Variants in TNNI3K observed in about 807,000 individuals in gnomAD.
TNNI3K encodes the protein TNNI3 interacting kinase, also known as serine/threonine-protein kinase TNNI3K.
Under a neutral mutation model 114.5 loss-of-function variants are expected in TNNI3K, and 140 were observed. The ratio of observed to expected loss-of-function variants is 1.22; its 90% confidence interval spans 1.07 to 1.41. The LOEUF (loss-of-function observed/expected upper bound fraction) is 1.41, where lower values mean the gene tolerates loss of function less well. Among genes scored for constraint, TNNI3K ranks in the 40% most tolerant of loss-of-function variants. The pLI, the probability that TNNI3K is intolerant of heterozygous loss-of-function variation, is 0.00. For missense variants in TNNI3K, 1,125 were observed against 1,007.6 expected, an observed-to-expected ratio of 1.12 and a Z score of -1.58; for synonymous variants, 347 against 347.5, an observed-to-expected ratio of 1.00 and a Z score of 0.02.
intron 20 of TNNI3K, among the ~76,000 whole-genome samples, chr1:74,444,403 G>A (rs542244585): frequency 1.8e-4 from 28 of 151,860 alleles, no homozygotes; most frequent in African/African-American, 6.5e-4. Context: ...AAGAAGAGAG[G>A]CAAATTGTGA....
At chr1:74,478,491 T>C (rs1043785904) in intron 21 of TNNI3K, among the ~76,000 whole-genome samples, 4 of 152,146 alleles carry the variant, frequency 2.6e-5, no homozygotes, top group Non-Finnish European at 1.5e-5. Context: ...AACTAAAAGA[T>C]ACTAAAAATT....
chr1:74,405,474 A>G (rs1664569831), intron 17 of TNNI3K, among the ~76,000 whole-genome samples: 1 of 152,206 alleles, frequency 6.6e-6, no homozygotes, highest in Non-Finnish European at 1.5e-5. Context: ...ATAAGCAATG[A>G]TCTAAGTGAA....
At chr1:74,497,588 A>T (rs1253092397) in intron 23 of TNNI3K, among the ~76,000 whole-genome samples, 1 of 148,326 alleles carries the variant, frequency 6.7e-6, no homozygotes, top group African/African-American at 2.5e-5. Context: ...ACACATACAC[A>T]TGCACACACA....
chr1:74,271,253 T>A (rs1353763573), intron 4 of TNNI3K, among the ~76,000 whole-genome samples: 3 of 151,852 alleles, frequency 2.0e-5, no homozygotes, highest in Non-Finnish European at 4.4e-5. Context: ...CTGACCTCAC[T>A]GGGAGTTAAT....
intron 5 of TNNI3K, among the ~76,000 whole-genome samples, chr1:74,323,548 A>C (rs1165980864): frequency 1.3e-5 from 2 of 152,192 alleles, no homozygotes. Context: ...CCGAGGGCAA[A>C]GGTGGCTGGG....
At chr1:74,496,982 A>G (rs1669358617) in intron 23 of TNNI3K, among the ~76,000 whole-genome samples, 1 of 152,198 alleles carries the variant, frequency 6.6e-6, no homozygotes. Context: ...CAGAAGAAGA[A>G]AACCAGGGAT....
intron 21 of TNNI3K, chr1:74,475,157 CAG>C: frequency 3.6e-6 from 2 of 551,980 alleles, no homozygotes; most frequent in Non-Finnish European, 6.4e-6. Flanking sequence ...CACACACACA[CAG>C]TATTTTTAGA....
chr1:74,281,934 G>C (rs1405260634), intron 5 of TNNI3K, among the ~76,000 whole-genome samples: 1 of 151,890 alleles, frequency 6.6e-6, no homozygotes, highest in Admixed American at 6.6e-5. Context: ...TAATTGCAGT[G>C]GTTGATATTT....
At chr1:74,470,327 G>C in intron 21 of TNNI3K, 1 of 400,586 alleles carries the variant, frequency 2.5e-6, no homozygotes, top group Non-Finnish European at 4.4e-6. Flanking sequence ...TGTGAGATCT[G>C]AGTTAACATA....
chr1:74,509,835 C>T (rs1270042361), intron 23 of TNNI3K, among the ~76,000 whole-genome samples: 2 of 139,944 alleles, frequency 1.4e-5, no homozygotes, highest in Admixed American at 7.5e-5. Flanking sequence ...TCACTGCAGC[C>T]TCAACTTCCC....
At chr1:74,404,470 G>A (rs45623441) in intron 17 of TNNI3K, among the ~76,000 whole-genome samples, 138 of 152,196 alleles carry the variant, frequency 9.1e-4, no homozygotes, top group African/African-American at 2.9e-3. Flanking sequence ...TAAGTCACCC[G>A]TCTAATTCTC....
In TNNI3K at chr1:74,342,913, A is replaced by G. The variant is rs1400997735; in HGVS notation, c.754A>G (p.Lys252Glu). Residue 252 changes from lysine (K) to glutamate (E), a missense_variant, in exon 8 of 25, where the codon AAG becomes GAG. By Grantham distance (56) the Lys-to-Glu change is moderately conservative (BLOSUM62 1). Coordinates refer to ENST00000326637, the MANE Select transcript of TNNI3K (RefSeq NM_015978.3). ...TCGATTTGGACACCATGATATAGTT[A>G]AGTATCTGCTGCAAAGTGATTTGGA... Reference protein sequence around the residue: ...CSRFGHHDIVKYLLQSDLEVQ... With the variant: ...CSRFGHHDIVEYLLQSDLEVQ... The G allele has an allele frequency of 6.2e-7, 1 of 1,613,790 alleles. No individual in the cohort carries two copies. The highest frequency in any genetic ancestry group is 1.3e-5 in the African/African-American group (1 of 74,896).
intron 23 of TNNI3K, among the ~76,000 whole-genome samples, chr1:74,494,722 A>T (rs916284012): frequency 1.3e-5 from 2 of 152,248 alleles, no homozygotes; most frequent in African/African-American, 4.8e-5. Context: ...TTTGCCATGT[A>T]CTAGCTCAAT....
intron 20 of TNNI3K, among the ~76,000 whole-genome samples, chr1:74,447,450 G>A (rs1301632270): frequency 6.9e-6 from 1 of 144,476 alleles, no homozygotes; most frequent in African/African-American, 2.8e-5. Context: ...GTGGGCGAAG[G>A]ACATGAACAG....
intron 5 of TNNI3K, among the ~76,000 whole-genome samples, chr1:74,279,263 C>T (rs749689258): frequency 3.3e-5 from 5 of 152,202 alleles, no homozygotes; most frequent in Admixed American, 2.6e-4. Context: ...CACAGGCTCA[C>T]TCTTTGCATT....
At chr1:74,510,244 C>T (rs1195008851) in intron 23 of TNNI3K, among the ~76,000 whole-genome samples, 2 of 152,150 alleles carry the variant, frequency 1.3e-5, no homozygotes, top group African/African-American at 2.4e-5. Flanking sequence ...CAGTGGCTCA[C>T]GCCTGTAATC....
chr1:74,369,233 C>T lies in TNNI3K; in HGVS notation c.1441C>T (p.Arg481Ter), dbSNP rs757261707. 3.0e-5 allele frequency: 48 copies of T among 1,611,646 alleles called. No individual in the cohort carries two copies. The highest frequency in any genetic ancestry group is 6.7e-5 in the African/African-American group (5 of 74,632). Reference protein sequence around the residue: ...SGSFGKVYKGRCRNKIVAIKR... With the variant: ...SGSFGKVYKG ...TTCTTTTGGGAAAGTATATAAAGGACGATGCAGAAATAAAATAGTGGCTAT... is the reference window on the plus strand; with the variant it reads ...TTCTTTTGGGAAAGTATATAAAGGATGATGCAGAAATAAAATAGTGGCTAT... The change falls in exon 15 of 25, where the codon CGA (arginine) becomes TGA (stop). Residue 481 changes from arginine to a stop codon, truncating the protein, a stop_gained. Coordinates refer to ENST00000326637, the MANE Select transcript of TNNI3K (RefSeq NM_015978.3). LOFTEE classifies it high-confidence loss of function.
intron 17 of TNNI3K, among the ~76,000 whole-genome samples, chr1:74,420,359 G>T (rs45531931): frequency 6.6e-6 from 1 of 152,232 alleles, no homozygotes; most frequent in Non-Finnish European, 1.5e-5. Context: ...AAAGAACAAT[G>T]TAGGACTCTA....
intron 2 of TNNI3K, among the ~76,000 whole-genome samples, chr1:74,248,938 T>G (rs1654757244): frequency 6.6e-6 from 1 of 152,186 alleles, no homozygotes; most frequent in Non-Finnish European, 1.5e-5. Flanking sequence ...TCAGTTGATT[T>G]CAGCAAACCT....
Sources: gnomAD v4.1 joint callset for allele counts (sites outside exome capture counted in the v4.1 genomes callset) on GRCh38, gnomAD v4.1.1 for gene constraint, MANE v1.5 for transcripts, NCBI Gene and HGNC (gene_info 2026-07-23, HGNC 2026-07-21) for gene names.